YTHDC1: variants seen among roughly 807,000 people sequenced by gnomAD.
YTHDC1 encodes the protein YTH N6-methyladenosine RNA binding protein C1.
A neutral mutation model predicts 107.0 loss-of-function variants in YTHDC1; 12 were observed. The observed-to-expected ratio is 0.11, with a 90% CI of 0.07 to 0.18. YTHDC1 has a LOEUF of 0.18. Ranked by LOEUF, YTHDC1 falls within the 10% of genes least tolerant of loss-of-function variation. YTHDC1 has a pLI of 1.00. For synonymous variants in YTHDC1, 280 were observed against 289.5 expected, an observed-to-expected ratio of 0.97 and a Z score of 0.33; for missense variants, 635 against 898.8, an observed-to-expected ratio of 0.71 and a Z score of 3.75.
At chr4:68,346,369 G>C (rs1358493419) in intron 1 of YTHDC1, among the ~76,000 whole-genome samples, 1 of 152,126 alleles carries the variant, frequency 6.6e-6, no homozygotes, top group African/African-American at 2.4e-5. Context: ...CTCCAGCCTA[G>C]GCGACAGAAG....
At chr4:68,348,640 T>G (rs766169599) in intron 1 of YTHDC1, among the ~76,000 whole-genome samples, 13 of 152,124 alleles carry the variant, frequency 8.5e-5, no homozygotes, top group Non-Finnish European at 1.6e-4. Context: ...CCTAGGGCAG[T>G]TCATTGAAGC....
Position 68,337,217 on chromosome 4 carries a change from C to T in YTHDC1, c.693G>A (p.Glu231=), listed in dbSNP as rs780031117. ...EDEEVDEDGE[E]EEEEEEEEEE... ...CTTCCTCCTCCTCCTCTTCCTCCTC[C>T]TCCTCTCCATCTTCATCCACCTCTT... Residue 231 remains glutamate, a synonymous_variant, in exon 4 of 17, where the codon GAG becomes GAA. Coordinates refer to ENST00000344157, the MANE Select transcript of YTHDC1 (RefSeq NM_001031732.4). 1.3e-6 allele frequency: 2 copies of T among 1,599,378 alleles called. No individual in the cohort carries two copies. The highest frequency in any genetic ancestry group is 1.7e-6 in the Non-Finnish European group (2 of 1,167,760).
At chr4:68,319,692 G>C (rs1020145151) in intron 12 of YTHDC1, among the ~76,000 whole-genome samples, 46 of 152,130 alleles carry the variant, frequency 3.0e-4, no homozygotes, top group African/African-American at 1.1e-3. Context: ...ATTACATACC[G>C]AGTATTTCCC....
intron 1 of YTHDC1, among the ~76,000 whole-genome samples, chr4:68,340,901 C>G (rs1724733372): frequency 6.6e-6 from 1 of 152,052 alleles, no homozygotes. Flanking sequence ...ACACTTAAAG[C>G]CTGGTTTTCC....
At chr4:68,323,240 C>T (rs1160815042) in intron 10 of YTHDC1, among the ~76,000 whole-genome samples, 1 of 151,490 alleles carries the variant, frequency 6.6e-6, no homozygotes, top group African/African-American at 2.4e-5. Context: ...TCATTTAATA[C>T]AATGGAAAAA....
At chr4:68,342,494 T>G (rs752940860) in intron 1 of YTHDC1, among the ~76,000 whole-genome samples, 3 of 152,180 alleles carry the variant, frequency 2.0e-5, no homozygotes, top group Non-Finnish European at 4.4e-5. Context: ...GGACACATAT[T>G]CCAATCACTG....
rs375347116 is a variant in YTHDC1 at position 68,312,378 on chromosome 4, C to G, written c.*1721G>C. On this transcript the variant is annotated 3_prime_UTR_variant, in exon 17 of 17. Coordinates refer to ENST00000344157, the MANE Select transcript of YTHDC1 (RefSeq NM_001031732.4). ...ACCTACCAGTTTTGTATAATGGTTA[C>G]AGAAATTCTTAAACTGTAGCTATCA... is the stretch of plus-strand genomic sequence containing the variant. The G allele has an allele frequency of 6.6e-5, 10 of 152,254 alleles. No individual in the cohort carries two copies. The highest frequency in any genetic ancestry group is 2.4e-4 in the African/African-American group (10 of 41,550). The allele number at this position is 152,254 out of a possible 1,614,324, so 9.4% of individuals were successfully genotyped here.
chr4:68,310,747 G>C lies in YTHDC1; in HGVS notation c.*3352C>G, dbSNP rs916213171. The C allele has an allele frequency of 6.6e-6, 1 of 152,126 alleles. No individual in the cohort carries two copies. The highest frequency in any genetic ancestry group is 1.5e-5 in the Non-Finnish European group (1 of 68,032). The allele number at this position is 152,126 out of a possible 1,614,324, so 9.4% of individuals were successfully genotyped here. On this transcript the variant is annotated 3_prime_UTR_variant, in exon 17 of 17. Coordinates refer to ENST00000344157, the MANE Select transcript of YTHDC1 (RefSeq NM_001031732.4). ...CCATGTGTGTCACAGTCACCCTTAC[G>C]TTGGGTCAGGGAACTCTAGCTTGGT...
At chr4:68,316,598 C>G in intron 15 of YTHDC1, 150 bp from the exon 16 acceptor site, 1 of 872,074 alleles carries the variant, frequency 1.1e-6, no homozygotes. Flanking sequence ...TCAAAATATG[C>G]TTTTTGTCGA....
At chr4:68,348,990 C>G (rs1286369192) in intron 1 of YTHDC1, among the ~76,000 whole-genome samples, 2 of 152,300 alleles carry the variant, frequency 1.3e-5, no homozygotes, top group Admixed American at 6.5e-5. Flanking sequence ...AACGTCAGTT[C>G]TCTCTACATT....
At chr4:68,333,157 A>G in intron 5 of YTHDC1, 151 bp downstream of exon 5, 1 of 630,448 alleles carries the variant, frequency 1.6e-6, no homozygotes, top group Non-Finnish European at 2.8e-6. Flanking sequence ...AATAAGAAAA[A>G]GCTTAGTTTT....
Position 68,330,130 on chromosome 4 carries a change from C to T in YTHDC1, c.1232-11G>A. 5 of 1,604,546 alleles carry T rather than the reference C, an allele frequency of 3.1e-6. No individual in the cohort carries two copies. Among genetic ancestry groups the T allele is most frequent in the Non-Finnish European group, 4.3e-6 (5 of 1,172,396 alleles). The stretch of plus-strand genomic sequence containing the variant: ...AAAGTCTTGCAAACCCTAAGAGAAT[C>T]ATATCATAATATAATATGTAGATGC... On this transcript the variant is annotated splice_polypyrimidine_tract_variant and intron_variant, in intron 8 of 16. Coordinates refer to ENST00000344157, the MANE Select transcript of YTHDC1 (RefSeq NM_001031732.4).
chr4:68,343,093 T>C (rs996311963), intron 1 of YTHDC1, among the ~76,000 whole-genome samples: 7 of 152,178 alleles, frequency 4.6e-5, no homozygotes, highest in African/African-American at 1.4e-4. Context: ...AAGCATACAA[T>C]TCATGCACTA....
chr4:68,334,481 C>T (rs142325529), intron 4 of YTHDC1, among the ~76,000 whole-genome samples: 1 of 152,174 alleles, frequency 6.6e-6, no homozygotes, highest in East Asian at 1.9e-4. Context: ...GATGGCAGAA[C>T]CTAGACTCAA....
At position 68,312,036 on chromosome 4, in the gene YTHDC1, A is replaced by T. The variant is rs1158098151; in HGVS notation, c.*2063T>A. The stretch of plus-strand genomic sequence containing the variant: ...GTGGTGGGTGCCTGTAGTCCCAGCC[A>T]TTCGGGAGGCTGAGGCAGGAGGTTG... On this transcript the variant is annotated 3_prime_UTR_variant, in exon 17 of 17. Transcript: ENST00000344157. The T allele has an allele frequency of 3.9e-5, 6 of 152,134 alleles. No homozygotes were observed. The highest frequency in any genetic ancestry group is 1.4e-4 in the African/African-American group (6 of 41,408). 9.4% of individuals were successfully genotyped at this position (152,134 alleles called of 1,614,324 possible). A position where few individuals can be genotyped will look rare whatever the true frequency, so the allele number is the denominator to read the frequency against.
At position 68,314,219 on chromosome 4, in the gene YTHDC1, G is replaced by GTCTCGC. The variant is rs1721566930; in HGVS notation, c.2058_2063dup (p.Glu686_Arg687dup). On this transcript the variant is annotated inframe_insertion, in exon 17 of 17. Coordinates refer to ENST00000344157, the MANE Select transcript of YTHDC1 (RefSeq NM_001031732.4). ...TGTCTCGTCTGTTATCTCTAGGGCG[G>GTCTCGC]TCTCGCTCTCGTTCCCGGTCTCTTT... 1 of 1,613,436 alleles carries GTCTCGC rather than the reference G, an allele frequency of 6.2e-7. No homozygotes were observed. The highest frequency in any genetic ancestry group is 1.7e-5 in the Admixed American group (1 of 59,924).
intron 1 of YTHDC1, among the ~76,000 whole-genome samples, chr4:68,339,561 A>G (rs1249105899): frequency 6.6e-6 from 1 of 152,124 alleles, no homozygotes; most frequent in Non-Finnish European, 1.5e-5. Flanking sequence ...TATTATGTCT[A>G]CAACTTACAA....
intron 4 of YTHDC1, among the ~76,000 whole-genome samples, chr4:68,336,528 C>T (rs568353058): frequency 6.6e-6 from 1 of 152,300 alleles, no homozygotes; most frequent in East Asian, 1.9e-4. Flanking sequence ...TCGACCCTGT[C>T]TCAGCCAGTC....
At chr4:68,325,799 G>A (rs1196509125) in intron 9 of YTHDC1, among the ~76,000 whole-genome samples, 1 of 152,142 alleles carries the variant, frequency 6.6e-6, no homozygotes, top group Non-Finnish European at 1.5e-5. Context: ...TGTGATGGAG[G>A]TGATATATAT....
Sources: gnomAD v4.1 joint callset for allele counts (sites outside exome capture counted in the v4.1 genomes callset) on GRCh38, gnomAD v4.1.1 for gene constraint, MANE v1.5 for transcripts, NCBI Gene and HGNC (gene_info 2026-07-23, HGNC 2026-07-21) for gene names.